The following CMKLR1 variants were observed in gnomAD, a reference collection of about 807,000 sequenced individuals.
CMKLR1 encodes chemerin chemokine-like receptor 1.
A neutral mutation model predicts 8.2 loss-of-function variants in CMKLR1; 6 were observed. The observed-to-expected ratio is 0.73, with a 90% CI of 0.40 to 1.44. CMKLR1 has a LOEUF of 1.44. Among genes scored for constraint, CMKLR1 ranks in the 40% most tolerant of loss-of-function variants. The probability of loss-of-function intolerance (pLI) is 0.02; values close to 1 mark genes in which losing one functional copy is unlikely to be tolerated. For missense variants in CMKLR1, 429 were observed against 478.0 expected, an observed-to-expected ratio of 0.90 and a Z score of 0.96; for synonymous variants, 178 against 181.2, an observed-to-expected ratio of 0.98 and a Z score of 0.14.
intron 2 of CMKLR1, among the ~76,000 whole-genome samples, chr12:108,304,703 A>C (rs1593163919): frequency 6.7e-6 from 1 of 149,314 alleles, no homozygotes; most frequent in African/African-American, 2.5e-5. Context: ...TGTTTTCTCC[A>C]CCTCCTGCAC....
chr12:108,313,889 C>A (rs1186483914), intron 2 of CMKLR1, among the ~76,000 whole-genome samples: 1 of 152,126 alleles, frequency 6.6e-6, no homozygotes, highest in Non-Finnish European at 1.5e-5. Context: ...TTGGTTTAGG[C>A]CCCTGGAGTC....
chr12:108,297,382 C>G (rs1247486293), intron 2 of CMKLR1, among the ~76,000 whole-genome samples: 2 of 152,150 alleles, frequency 1.3e-5, no homozygotes, highest in African/African-American at 4.8e-5. Flanking sequence ...ATTAACAAGA[C>G]TTCTGGTCAA....
intron 1 of CMKLR1, among the ~76,000 whole-genome samples, chr12:108,330,924 G>C (rs11113822): frequency 0.45 from 68,595 of 151,960 alleles, 16,004 homozygotes; most frequent in Admixed American, 0.54. Flanking sequence ...CAAACACAAG[G>C]CTGGCTGGGC....
chr12:108,310,254 G>A (rs964133591), intron 2 of CMKLR1, among the ~76,000 whole-genome samples: 3 of 152,042 alleles, frequency 2.0e-5, no homozygotes, highest in Non-Finnish European at 2.9e-5. Context: ...GTTTCAGATT[G>A]TGAGATCCCT....
At chr12:108,336,573 A>C (rs962106051) in intron 1 of CMKLR1, among the ~76,000 whole-genome samples, 1 of 152,006 alleles carries the variant, frequency 6.6e-6, no homozygotes, top group African/African-American at 2.4e-5. Flanking sequence ...AGAAACACTC[A>C]CAATTATTCT....
intron 3 of CMKLR1, 64 bp downstream of exon 3, chr12:108,293,525 T>A: frequency 1.3e-6 from 2 of 1,535,658 alleles, no homozygotes; most frequent in Middle Eastern, 1.7e-4. Context: ...GTGATCCCCC[T>A]GTGCACCCAA....
At chr12:108,335,283 G>T (rs1324264415) in intron 1 of CMKLR1, among the ~76,000 whole-genome samples, 1 of 152,166 alleles carries the variant, frequency 6.6e-6, no homozygotes, top group Non-Finnish European at 1.5e-5. Context: ...TTTGCAACTA[G>T]ATTGGCCACA....
Position 108,292,336 on chromosome 12 carries a change from C to T in CMKLR1, c.627G>A (p.Met209Ile). The T allele has an allele frequency of 1.9e-6, 3 of 1,614,104 alleles. No homozygotes were observed. The highest frequency in any genetic ancestry group is 2.5e-6 in the Non-Finnish European group (3 of 1,180,028). The part of the protein sequence containing the change: ...GSSSWPTHSQ[M>I]DPVGYSRHMV... ...TGTGCCGGCTATACCCCACAGGGTC[C>T]ATTTGGGAGTGAGTGGGCCACGAGG... The change falls in exon 4 of 4, where the codon ATG becomes ATA. Residue 209 changes from methionine (M) to isoleucine (I), a missense_variant. By Grantham distance (10) the Met-to-Ile change is conservative. Coordinates refer to ENST00000550402, the MANE Select transcript of CMKLR1 (RefSeq NM_001142343.2).
At chr12:108,310,452 T>A (rs941724195) in intron 2 of CMKLR1, among the ~76,000 whole-genome samples, 1 of 152,108 alleles carries the variant, frequency 6.6e-6, no homozygotes, top group Non-Finnish European at 1.5e-5. Flanking sequence ...TTCTGCCAGT[T>A]CCAGGCCTAC....
In CMKLR1 at chr12:108,292,445, G is replaced by A. The variant is rs1891009985; in HGVS notation, c.518C>T (p.Pro173Leu). Residue 173 changes from proline (P) to leucine (L), a missense_variant, in exon 4 of 4, where the codon CCA becomes CTA. Coordinates refer to ENST00000550402, the MANE Select transcript of CMKLR1 (RefSeq NM_001142343.2). Reference sequence around the variant, plus strand: ...GGCTGTGTCCCGGAAGACGAGAGATGGGGAACTCAAGAAGAAAGCCAGGAC... The same window carrying A: ...GGCTGTGTCCCGGAAGACGAGAGATAGGGAACTCAAGAAGAAAGCCAGGAC... The part of the protein sequence containing the change: ...IWVLAFFLSS[P>L]SLVFRDTANL... 6.2e-7 allele frequency: 1 copy of A among 1,614,158 alleles called. No individual in the cohort carries two copies. The highest frequency in any genetic ancestry group is 1.1e-5 in the South Asian group (1 of 91,080).
chr12:108,317,116 T>A (rs1259426725), intron 2 of CMKLR1, among the ~76,000 whole-genome samples: 4 of 152,074 alleles, frequency 2.6e-5, no homozygotes, highest in Non-Finnish European at 5.9e-5. Flanking sequence ...ATGTCATTGG[T>A]TGATTTTAAC....
chr12:108,316,413 G>C lies in CMKLR1; in HGVS notation c.-74+13582C>G, dbSNP rs183053594. 7.2e-5 allele frequency among the ~76,000 whole-genome samples: 11 copies of C among 152,342 alleles called. No individual in the cohort carries two copies. The East Asian group carries it at 1.9e-3, about 27-fold the overall frequency. On this transcript the variant is annotated intron_variant, in intron 2 of 3. Coordinates refer to ENST00000550402, the MANE Select transcript of CMKLR1 (RefSeq NM_001142343.2). ...AGAAAGAGAGGGGGAAGAGGGGCAG[G>C]GAGAGGAAAGCCAGCAGGAAGAGGA...
chr12:108,317,026 C>A (rs1891752205), intron 2 of CMKLR1, among the ~76,000 whole-genome samples: 1 of 152,204 alleles, frequency 6.6e-6, no homozygotes, highest in African/African-American at 2.4e-5. Context: ...TGGTCTCCAA[C>A]TCCTGGACTC....
chr12:108,293,525 T>C, intron 3 of CMKLR1, 64 bp downstream of exon 3: 8 of 1,535,658 alleles, frequency 5.2e-6, no homozygotes, highest in East Asian at 2.4e-5. Context: ...GTGATCCCCC[T>C]GTGCACCCAA....
intron 2 of CMKLR1, among the ~76,000 whole-genome samples, chr12:108,308,958 A>G (rs980095820): frequency 6.6e-6 from 1 of 152,188 alleles, no homozygotes; most frequent in Non-Finnish European, 1.5e-5. Context: ...ACAGTCAAGT[A>G]AACAAATACA....
At chr12:108,331,142 AACTCCTGGGGGATC>A (rs2137343939) in intron 1 of CMKLR1, among the ~76,000 whole-genome samples, 1 of 152,248 alleles carries the variant, frequency 6.6e-6, no homozygotes, top group South Asian at 2.1e-4. Flanking sequence ...TGGGAAGTTA[AACTCCTGGGGGATC>A]ATTCATTCCT....
chr12:108,300,000 A>T (rs1566019904), intron 2 of CMKLR1, among the ~76,000 whole-genome samples: 1 of 152,212 alleles, frequency 6.6e-6, no homozygotes. Context: ...TTGCTGGCAT[A>T]TGCATCTGAT....
At position 108,323,216 on chromosome 12, in the gene CMKLR1, A is replaced by G. The variant is rs571781094; in HGVS notation, c.-74+6779T>C. Reference sequence around the variant, plus strand: ...AAAACCATCCTTTACCATCACCACCACTTCAGAAAAGAAACAACACATTAA... The same window carrying G: ...AAAACCATCCTTTACCATCACCACCGCTTCAGAAAAGAAACAACACATTAA... On this transcript the variant is annotated intron_variant, in intron 2 of 3. Coordinates refer to ENST00000550402, the MANE Select transcript of CMKLR1 (RefSeq NM_001142343.2). 5.2e-4 allele frequency among the ~76,000 whole-genome samples: 79 copies of G among 152,152 alleles called. 1 individual carries two copies. The highest frequency in any genetic ancestry group is 7.9e-4 in the Non-Finnish European group (54 of 68,016).
intron 2 of CMKLR1, among the ~76,000 whole-genome samples, chr12:108,294,795 A>C (rs891032761): frequency 6.6e-6 from 1 of 152,212 alleles, no homozygotes; most frequent in African/African-American, 2.4e-5. Flanking sequence ...TCCAAACCAG[A>C]TATTTCAGCT....
Sources: gnomAD v4.1 joint callset for allele counts (sites outside exome capture counted in the v4.1 genomes callset) on GRCh38, gnomAD v4.1.1 for gene constraint, MANE v1.5 for transcripts, NCBI Gene and HGNC (gene_info 2026-07-23, HGNC 2026-07-21) for gene names.